Variants in RUNX1 observed in about 807,000 individuals in gnomAD.
RUNX1 encodes RUNX family transcription factor 1.
RUNX1 carries 19 observed loss-of-function variants against 42.8 expected under a neutral mutation model. The ratio of observed to expected loss-of-function variants is 0.44; its 90% CI spans 0.31 to 0.65. The LOEUF (loss-of-function observed/expected upper bound fraction) is 0.65, where lower values mean the gene tolerates loss of function less well. Among genes scored for constraint, RUNX1 ranks in the 30% least tolerant of loss-of-function variants. The probability of loss-of-function intolerance (pLI) is 0.07; values close to 1 mark genes in which losing one functional copy is unlikely to be tolerated. For missense variants in RUNX1, 528 were observed against 672.0 expected, an observed-to-expected ratio of 0.79 and a Z score of 2.37; for synonymous variants, 271 against 289.4, an observed-to-expected ratio of 0.94 and a Z score of 0.64.
At chr21:34,957,369 T>A (rs1463584089) in intron 2 of RUNX1, among the ~76,000 whole-genome samples, 1 of 152,148 alleles carries the variant, frequency 6.6e-6, no homozygotes, top group Non-Finnish European at 1.5e-5. Context: ...ATGTGAAAAG[T>A]TCAACACACA....
At chr21:34,931,767 G>A (rs996609463) in intron 2 of RUNX1, among the ~76,000 whole-genome samples, 1 of 151,758 alleles carries the variant, frequency 6.6e-6, no homozygotes, top group Non-Finnish European at 1.5e-5. Flanking sequence ...AGGGGAAGAT[G>A]TGGCTGGCTA....
intron 2 of RUNX1, among the ~76,000 whole-genome samples, chr21:34,940,334 C>A (rs1410582439): frequency 6.6e-6 from 1 of 152,146 alleles, no homozygotes; most frequent in Admixed American, 6.6e-5. Flanking sequence ...TGGTACACAG[C>A]CATTCGTTCT....
intron 7 of RUNX1, among the ~76,000 whole-genome samples, chr21:34,807,085 C>T (rs1261679232): frequency 2.0e-5 from 3 of 151,674 alleles, no homozygotes; most frequent in African/African-American, 7.3e-5. Context: ...CTCAAGCAAG[C>T]AGAAGAGAAG....
intron 2 of RUNX1, among the ~76,000 whole-genome samples, chr21:34,894,611 G>T (rs1489008784): frequency 6.6e-6 from 1 of 152,032 alleles, no homozygotes. Flanking sequence ...GAGAGGGGAG[G>T]TTGCGTGTGT....
At chr21:34,933,839 C>A (rs1176083172) in intron 2 of RUNX1, among the ~76,000 whole-genome samples, 1 of 152,166 alleles carries the variant, frequency 6.6e-6, no homozygotes, top group East Asian at 1.9e-4. Flanking sequence ...GCCACAGCTG[C>A]TGCTATTGCC....
chr21:34,956,267 C>T (rs761909628), intron 2 of RUNX1, among the ~76,000 whole-genome samples: 1 of 151,842 alleles, frequency 6.6e-6, no homozygotes, highest in Non-Finnish European at 1.5e-5. Context: ...TTGCCATAGC[C>T]CAAGCAGAAA....
chr21:35,014,760 G>A (rs533871911), intron 2 of RUNX1, among the ~76,000 whole-genome samples: 6 of 152,358 alleles, frequency 3.9e-5, no homozygotes, highest in Admixed American at 1.3e-4. Flanking sequence ...AGACGGGGCT[G>A]AGCCCTCTCT....
intron 2 of RUNX1, among the ~76,000 whole-genome samples, chr21:34,999,010 A>ACAGG (rs1436688971): frequency 1.3e-5 from 2 of 152,200 alleles, no homozygotes; most frequent in Non-Finnish European, 2.9e-5. Flanking sequence ...TTGATGGGAG[A>ACAGG]CAGGCACATG....
At chr21:35,001,311 TA>T (rs1449510878) in intron 2 of RUNX1, among the ~76,000 whole-genome samples, 141 of 9,470 alleles carry the variant, frequency 0.015, 2 homozygotes, top group East Asian at 0.05. Context: ...TATGGTTTTA[TA>T]TATATATATA....
chr21:34,935,520 AAT>A lies in RUNX1; in HGVS notation c.59-42559_59-42558del, dbSNP rs1305200788. On this transcript the variant is annotated intron_variant, in intron 2 of 8. Transcript: ENST00000675419. ...TCAGGAATTTTAGTATTGTGGTAAG[AAT>A]ATGATTGCTGTGAATGACAATAATA... 5.3e-5 allele frequency among the ~76,000 whole-genome samples: 8 copies of A among 152,316 alleles called. No individual in the cohort carries two copies. In the Middle Eastern group the frequency reaches 0.01, roughly 194 times the overall value.
At chr21:34,960,710 T>A (rs1175098422) in intron 2 of RUNX1, among the ~76,000 whole-genome samples, 1 of 152,198 alleles carries the variant, frequency 6.6e-6, no homozygotes, top group Non-Finnish European at 1.5e-5. Context: ...TATTTTTTGT[T>A]GCTTGTGTAT....
chr21:34,930,975 T>A (rs113673494), intron 2 of RUNX1, among the ~76,000 whole-genome samples: 2 of 152,260 alleles, frequency 1.3e-5, no homozygotes, highest in East Asian at 1.9e-4. Flanking sequence ...GCAGTCACAA[T>A]GGTAGCAGAC....
intron 2 of RUNX1, among the ~76,000 whole-genome samples, chr21:35,036,909 G>T (rs112884611): frequency 7.6e-4 from 115 of 152,288 alleles, no homozygotes; most frequent in African/African-American, 2.6e-3. Context: ...CAGGGTTGGG[G>T]TGGTCCACCC....
At chr21:34,868,723 C>T (rs2057697546) in intron 5 of RUNX1, among the ~76,000 whole-genome samples, 2 of 152,362 alleles carry the variant, frequency 1.3e-5, no homozygotes, top group South Asian at 2.1e-4. Flanking sequence ...CTACTCACAA[C>T]AGGGATGGCC....
In RUNX1 at chr21:34,890,943, G is replaced by A. The variant is rs931246228; in HGVS notation, c.97+1982C>T. Reference sequence around the variant, plus strand: ...AGGGCTCCTGGGGCCACCCCCACGTGCATCCCCCGGAACCCCCGAGATGCG... The same window carrying A: ...AGGGCTCCTGGGGCCACCCCCACGTACATCCCCCGGAACCCCCGAGATGCG... On this transcript the variant is annotated intron_variant, in intron 3 of 8. Transcript: ENST00000675419. Among the ~76,000 whole-genome samples, 3 of 152,134 alleles carry A rather than the reference G, an allele frequency of 2.0e-5. No individual in the cohort carries two copies. In the East Asian group the frequency reaches 5.8e-4, roughly 29 times the overall value.
At chr21:35,001,333 T>C (rs555319890) in intron 2 of RUNX1, among the ~76,000 whole-genome samples, 192 of 142,340 alleles carry the variant, frequency 1.3e-3, no homozygotes, top group Non-Finnish European at 2.0e-3. Flanking sequence ...TATATATATA[T>C]ACGCATATAT....
chr21:34,989,775 T>C (rs1408554021), intron 2 of RUNX1, among the ~76,000 whole-genome samples: 1 of 152,222 alleles, frequency 6.6e-6, no homozygotes, highest in Non-Finnish European at 1.5e-5. Context: ...CAGCTCACTA[T>C]AAGCATTGGC....
chr21:34,848,015 G>C (rs1296665638), intron 6 of RUNX1, among the ~76,000 whole-genome samples: 18 of 152,066 alleles, frequency 1.2e-4, no homozygotes, highest in Non-Finnish European at 1.5e-5. Flanking sequence ...AAGGTCTTTG[G>C]GACATGGTCA....
At position 34,787,892 on chromosome 21, in the gene RUNX1, A is replaced by T. The variant is rs978376172; in HGVS notation, c.*4243T>A. On this transcript the variant is annotated 3_prime_UTR_variant, in exon 9 of 9. Coordinates refer to ENST00000675419, the MANE Select transcript of RUNX1 (RefSeq NM_001754.5). ...AAGAAACTGTGGTACAAAGAGAGGA[A>T]GGCTCTGGTGGCTCCTGAACAGCAG... 1.3e-5 allele frequency: 3 copies of T among 233,190 alleles called. No homozygotes were observed. The highest frequency in any genetic ancestry group is 2.5e-5 in the Non-Finnish European group (3 of 118,062). The allele number at this position is 233,190 out of a possible 1,614,324, so 14.4% of individuals were successfully genotyped here. A position where few individuals can be genotyped will look rare whatever the true frequency, so the allele number is the denominator to read the frequency against.
Sources: allele counts gnomAD v4.1 joint callset (sites outside exome capture counted in the v4.1 genomes callset), GRCh38; gene constraint gnomAD v4.1.1; transcripts MANE v1.5; gene names NCBI Gene and HGNC (gene_info 2026-07-23, HGNC 2026-07-21).